Variants in RUNDC3B observed in about 807,000 individuals in gnomAD.
RUNDC3B encodes the protein RUN domain containing 3B, also known as RUN domain-containing protein 3B.
Under a neutral mutation model 58.4 loss-of-function variants are expected in RUNDC3B, and 33 were observed. The observed-to-expected ratio is 0.56, with a 90% CI of 0.43 to 0.75. The LOEUF (loss-of-function observed/expected upper bound fraction) is 0.75. Ranked by LOEUF, RUNDC3B falls within the 30% of genes least tolerant of loss-of-function variation. RUNDC3B has a pLI of 0.00. For synonymous variants in RUNDC3B, 193 were observed against 195.2 expected, an observed-to-expected ratio of 0.99 and a Z score of 0.10; for missense variants, 501 against 535.7, an observed-to-expected ratio of 0.94 and a Z score of 0.64.
intron 1 of RUNDC3B, among the ~76,000 whole-genome samples, chr7:87,636,242 G>A (rs1173062277): frequency 6.6e-6 from 1 of 152,150 alleles, no homozygotes; most frequent in African/African-American, 2.4e-5. Flanking sequence ...ACTAATGCTT[G>A]ACATTTTCTT....
chr7:87,797,749 C>A (rs1835893026), intron 8 of RUNDC3B, among the ~76,000 whole-genome samples: 1 of 152,028 alleles, frequency 6.6e-6, no homozygotes. Context: ...ACACTGATGT[C>A]CTACCTCTTT....
chr7:87,781,747 G>A (rs1358981883), intron 8 of RUNDC3B, among the ~76,000 whole-genome samples: 1 of 151,908 alleles, frequency 6.6e-6, no homozygotes, highest in Non-Finnish European at 1.5e-5. Context: ...ATGATCATAC[G>A]GTTTTTGTTT....
chr7:87,718,726 G>A (rs1417823595), intron 4 of RUNDC3B, among the ~76,000 whole-genome samples: 1 of 152,064 alleles, frequency 6.6e-6, no homozygotes, highest in African/African-American at 2.4e-5. Flanking sequence ...CATGATATGG[G>A]AATTTTATAT....
intron 5 of RUNDC3B, among the ~76,000 whole-genome samples, chr7:87,740,535 GA>G (rs1832258353): frequency 1.3e-5 from 2 of 151,918 alleles, no homozygotes; most frequent in Admixed American, 6.6e-5. Context: ...CAAACACAAG[GA>G]ATGAAGGAAA....
chr7:87,703,297 A>C (rs1200493422), intron 3 of RUNDC3B, among the ~76,000 whole-genome samples: 1 of 152,070 alleles, frequency 6.6e-6, no homozygotes, highest in African/African-American at 2.4e-5. Flanking sequence ...AAACTGATGA[A>C]GATATGTTCA....
Position 87,820,393 on chromosome 7 carries a change from T to C in RUNDC3B, c.1225+4131T>C, listed in dbSNP as rs1290860903. Among the ~76,000 whole-genome samples, 3 of 152,132 alleles carry C rather than the reference T, an allele frequency of 2.0e-5. No homozygotes were observed. The East Asian group carries it at 5.8e-4, about 29-fold the overall frequency. The stretch of plus-strand genomic sequence containing the variant: ...ACAGGATCTGAAATTGTGACAATAA[T>C]CAATAGCTTACCAACCAAAAAGAGT... On this transcript the variant is annotated intron_variant, in intron 10 of 10. Transcript: ENST00000394654.
intron 2 of RUNDC3B, chr7:87,694,083 C>A: frequency 6.7e-7 from 1 of 1,484,302 alleles, no homozygotes; most frequent in Non-Finnish European, 8.9e-7. Flanking sequence ...GTAAAGCCTT[C>A]TTTTTTGTGT....
intron 1 of RUNDC3B, 45 bp from the exon 2 acceptor site, chr7:87,650,777 A>G (rs1823495172): frequency 8.5e-7 from 1 of 1,176,716 alleles, no homozygotes; most frequent in African/African-American, 1.5e-5. Context: ...TACTTAGGGA[A>G]TGAATCAACT....
intron 3 of RUNDC3B, among the ~76,000 whole-genome samples, chr7:87,705,992 A>T (rs1829548833): frequency 6.6e-6 from 1 of 151,946 alleles, no homozygotes; most frequent in African/African-American, 2.4e-5. Context: ...CTTCTTGTAT[A>T]TTTTGTGAGG....
intron 9 of RUNDC3B, among the ~76,000 whole-genome samples, chr7:87,809,109 A>G (rs1201398723): frequency 6.6e-6 from 1 of 152,220 alleles, no homozygotes; most frequent in Admixed American, 6.5e-5. Context: ...TGCATCTGCA[A>G]TAATGGCTGA....
At chr7:87,811,737 C>T (rs1836728185) in intron 9 of RUNDC3B, among the ~76,000 whole-genome samples, 1 of 152,178 alleles carries the variant, frequency 6.6e-6, no homozygotes, top group Non-Finnish European at 1.5e-5. Flanking sequence ...GTAGGAGACC[C>T]TAACTGCAGA....
intron 2 of RUNDC3B, among the ~76,000 whole-genome samples, chr7:87,675,259 G>A (rs2130548613): frequency 1.3e-5 from 2 of 152,234 alleles, no homozygotes; most frequent in East Asian, 3.9e-4. Context: ...CCAAAGATCT[G>A]TTCAGAGTCT....
At chr7:87,794,885 GA>G (rs1835733367) in intron 8 of RUNDC3B, among the ~76,000 whole-genome samples, 1 of 152,110 alleles carries the variant, frequency 6.6e-6, no homozygotes, top group Non-Finnish European at 1.5e-5. Flanking sequence ...TGGGGAAAAA[GA>G]CAGTGTTTTC....
intron 2 of RUNDC3B, among the ~76,000 whole-genome samples, chr7:87,693,057 G>A (rs1268638315): frequency 1.3e-5 from 2 of 152,110 alleles, no homozygotes; most frequent in Non-Finnish European, 2.9e-5. Context: ...GGAAAGGTGT[G>A]GGACCATGTA....
chr7:87,775,847 T>C (rs1584177971), intron 7 of RUNDC3B, among the ~76,000 whole-genome samples: 1 of 152,210 alleles, frequency 6.6e-6, no homozygotes, highest in East Asian at 1.9e-4. Context: ...TAGTAGACTC[T>C]GTAATGTTCA....
chr7:87,691,632 A>G (rs1313876191), intron 2 of RUNDC3B, among the ~76,000 whole-genome samples: 1 of 152,156 alleles, frequency 6.6e-6, no homozygotes, highest in Admixed American at 6.5e-5. Context: ...ACGCTTGTTT[A>G]TTTAAAGAGC....
At chr7:87,787,441 T>A (rs369693150) in intron 8 of RUNDC3B, among the ~76,000 whole-genome samples, 14 of 152,196 alleles carry the variant, frequency 9.2e-5, no homozygotes, top group African/African-American at 3.4e-4. Context: ...GTGTTGATTT[T>A]TTTTCCTGGG....
intron 2 of RUNDC3B, among the ~76,000 whole-genome samples, chr7:87,678,683 A>G (rs1397789963): frequency 6.6e-6 from 1 of 152,186 alleles, no homozygotes; most frequent in Non-Finnish European, 1.5e-5. Context: ...CTCAATATAT[A>G]CAGAAACCCA....
intron 2 of RUNDC3B, among the ~76,000 whole-genome samples, chr7:87,655,147 G>C (rs1823967143): frequency 6.6e-6 from 1 of 151,956 alleles, no homozygotes; most frequent in Admixed American, 6.6e-5. Context: ...AAATAGAACT[G>C]CCATTAGTCT....
Sources: allele counts gnomAD v4.1 joint callset (sites outside exome capture counted in the v4.1 genomes callset), GRCh38; gene constraint gnomAD v4.1.1; transcripts MANE v1.5; gene names NCBI Gene and HGNC (gene_info 2026-07-23, HGNC 2026-07-21).